Variants in CCL28 observed in about 807,000 individuals in gnomAD.
CCL28 encodes the protein C-C motif chemokine 28.
In CCL28, 4 loss-of-function variants were observed where a neutral mutation model predicts 7.1. The observed-to-expected ratio is 0.56, with a 90% CI of 0.28 to 1.29. The LOEUF (loss-of-function observed/expected upper bound fraction) is 1.29, where lower values mean the gene tolerates loss of function less well. CCL28 is among the 50% of genes most tolerant of loss of function. CCL28 has a pLI of 0.11. For synonymous variants in CCL28, 55 were observed against 57.8 expected, an observed-to-expected ratio of 0.95 and a Z score of 0.22; for missense variants, 151 against 163.4, an observed-to-expected ratio of 0.92 and a Z score of 0.41.
chr5:43,386,789 G>A (rs541824967), intron 2 of CCL28, among the ~76,000 whole-genome samples: 8 of 152,180 alleles, frequency 5.3e-5, no homozygotes, highest in South Asian at 2.1e-4. Context: ...TTGAATAATG[G>A]ATAAATCCCT....
chr5:43,370,396 G>T, the CCL28 span, among the ~76,000 whole-genome samples: 1 of 151,926 alleles, frequency 6.6e-6, no homozygotes, highest in Non-Finnish European at 1.5e-5. Context: ...ACAATCTGTT[G>T]TCTCTTGGTG....
chr5:43,411,075 C>T (rs1741518216), intron 1 of CCL28, among the ~76,000 whole-genome samples: 1 of 152,104 alleles, frequency 6.6e-6, no homozygotes, highest in African/African-American at 2.4e-5. Flanking sequence ...CCAGTTCTTG[C>T]CATGGTATGG....
downstream of CCL28, among the ~76,000 whole-genome samples, chr5:43,378,453 T>C (rs942806128): frequency 6.6e-6 from 1 of 152,194 alleles, no homozygotes; most frequent in Admixed American, 6.5e-5. Flanking sequence ...GTACTTTTGA[T>C]TTTTTAAATC....
the CCL28 span, among the ~76,000 whole-genome samples, chr5:43,363,030 A>G: frequency 6.6e-6 from 1 of 152,196 alleles, no homozygotes; most frequent in Non-Finnish European, 1.5e-5. Flanking sequence ...TTATTTTTCC[A>G]GTCAATTCAT....
downstream of CCL28, among the ~76,000 whole-genome samples, chr5:43,378,747 G>A (rs1371742424): frequency 2.0e-5 from 3 of 152,138 alleles, no homozygotes; most frequent in East Asian, 5.8e-4. Flanking sequence ...TGGATCACAA[G>A]GTCAGGAGAT....
At chr5:43,377,771 C>T (rs1458036692), downstream of CCL28, among the ~76,000 whole-genome samples, 1 of 106,004 alleles carries the variant, frequency 9.4e-6, no homozygotes, top group Non-Finnish European at 1.7e-5. Flanking sequence ...CTCGCTCTGT[C>T]GCCCAGGCTG....
At chr5:43,376,895 G>A (rs1381923064), downstream of CCL28, 1 of 152,232 alleles carries the variant, frequency 6.6e-6, no homozygotes, top group East Asian at 1.9e-4. Context: ...GGACCTGAAA[G>A]AATGTCTCGA....
the CCL28 span, among the ~76,000 whole-genome samples, chr5:43,364,321 G>A: frequency 6.7e-6 from 1 of 148,604 alleles, no homozygotes; most frequent in Non-Finnish European, 1.5e-5. Context: ...GTGTGTGTAT[G>A]TACATGTACA....
the CCL28 span, among the ~76,000 whole-genome samples, chr5:43,362,675 G>T: frequency 6.6e-6 from 1 of 152,164 alleles, no homozygotes; most frequent in Non-Finnish European, 1.5e-5. Context: ...AATAATATCT[G>T]CTGTGTCTTC....
At chr5:43,376,928 A>G (rs1739900780), downstream of CCL28, 1 of 152,212 alleles carries the variant, frequency 6.6e-6, no homozygotes, top group Non-Finnish European at 1.5e-5. Flanking sequence ...GCATTTCATA[A>G]TGTTCAAGCT....
At chr5:43,398,216 T>C (rs952167324) in intron 1 of CCL28, among the ~76,000 whole-genome samples, 6 of 182 alleles carry the variant, frequency 0.033, no homozygotes, top group African/African-American at 0.13. Context: ...TTAGCAGACT[T>C]TTTTTTCTTT....
At chr5:43,376,547 A>C (rs1739891065), downstream of CCL28, 3 of 152,254 alleles carry the variant, frequency 2.0e-5, no homozygotes, top group Middle Eastern at 3.2e-3. Context: ...ATGTAAAAGT[A>C]TAGCTGATGT....
At chr5:43,382,074 G>C (rs999237432) in intron 2 of CCL28, 22 bp from the exon 3 acceptor site, 3 of 1,594,506 alleles carry the variant, frequency 1.9e-6, no homozygotes. Context: ...GGAAGCAAAA[G>C]AAAGTCACTG....
downstream of CCL28, among the ~76,000 whole-genome samples, chr5:43,373,268 T>C (rs1462323674): frequency 6.6e-6 from 1 of 152,116 alleles, no homozygotes; most frequent in Non-Finnish European, 1.5e-5. Flanking sequence ...ACATAAAAGT[T>C]CCAGTTGCTC....
At chr5:43,394,146 A>G (rs2111802065) in intron 1 of CCL28, among the ~76,000 whole-genome samples, 1 of 152,318 alleles carries the variant, frequency 6.6e-6, no homozygotes, top group East Asian at 1.9e-4. Context: ...ACACATACAC[A>G]TAGGTCTGCT....
the CCL28 span, among the ~76,000 whole-genome samples, chr5:43,369,865 C>A: frequency 2.3e-4 from 35 of 152,202 alleles, no homozygotes; most frequent in Non-Finnish European, 4.4e-4. Context: ...TGGCACAAGA[C>A]CTGGCAGCTT....
the CCL28 span, among the ~76,000 whole-genome samples, chr5:43,365,283 A>G: frequency 1.3e-5 from 2 of 152,158 alleles, no homozygotes; most frequent in African/African-American, 2.4e-5. Flanking sequence ...GTTTACAGGC[A>G]TGAGCCACTG....
At chr5:43,364,835 T>G in the CCL28 span, among the ~76,000 whole-genome samples, 3 of 152,136 alleles carry the variant, frequency 2.0e-5, no homozygotes, top group Non-Finnish European at 2.9e-5. Flanking sequence ...TTTTTTTATC[T>G]TTGTTGGTTT....
intron 1 of CCL28, among the ~76,000 whole-genome samples, chr5:43,409,859 T>C (rs545595674): frequency 1.3e-5 from 2 of 151,974 alleles, no homozygotes; most frequent in South Asian, 4.2e-4. Flanking sequence ...GATAGACATG[T>C]TTATGGATTC....
Sources: gnomAD v4.1 joint callset for allele counts (sites outside exome capture counted in the v4.1 genomes callset) on GRCh38, gnomAD v4.1.1 for gene constraint, MANE v1.5 for transcripts, NCBI Gene and HGNC (gene_info 2026-07-23, HGNC 2026-07-21) for gene names.